Variants in SPESP1 observed in about 807,000 individuals in gnomAD.
SPESP1 encodes the protein equatorial segment protein.
A neutral mutation model predicts 3.1 loss-of-function variants in SPESP1; 1 was observed. The ratio of observed to expected loss-of-function variants is 0.33; its 90% confidence interval spans 0.12 to 1.54. The LOEUF (loss-of-function observed/expected upper bound fraction) is 1.54. Ranked by LOEUF, SPESP1 falls within the 40% of genes most tolerant of loss-of-function variation. The pLI, the probability that SPESP1 is intolerant of heterozygous loss-of-function variation, is 0.38. For missense variants in SPESP1, 398 were observed against 410.1 expected (o/e 0.97, Z 0.26); for synonymous variants, 138 against 150.7 (o/e 0.92, Z 0.62).
In SPESP1 at chr15:68,945,816, C is replaced by T. The variant is rs758662345; in HGVS notation, c.282C>T (p.Ile94=). The change falls in exon 2 of 2, where the codon ATC becomes ATT. Residue 94 remains isoleucine (I), a synonymous_variant. Transcript: ENST00000310673. Reference sequence around the variant, plus strand: ...AGAATGATGTTTTAACCAATCCTATCAGTGAAGAAACTACAACTTTCCCTA... The same window carrying T: ...AGAATGATGTTTTAACCAATCCTATTAGTGAAGAAACTACAACTTTCCCTA... ...STENDVLTNP[I]SEETTTFPTG... 5 of 1,613,792 alleles carry T rather than the reference C, an allele frequency of 3.1e-6. No individual in the cohort carries two copies. The African/African-American group carries it at 6.7e-5, about 22-fold the overall frequency.
chr15:68,932,363 T>TCCCCTC (rs1162724870), intron 1 of SPESP1, among the ~76,000 whole-genome samples: 2 of 147,342 alleles, frequency 1.4e-5, no homozygotes, highest in Non-Finnish European at 3.0e-5. Flanking sequence ...ACCATAATTT[T>TCCCCTC]CCCCTCCCCC....
intron 1 of SPESP1, among the ~76,000 whole-genome samples, chr15:68,935,613 G>A (rs1895662601): frequency 6.6e-6 from 1 of 152,226 alleles, no homozygotes. Context: ...CATGGGGCAA[G>A]CCCATATCCA....
At chr15:68,940,223 A>T (rs1228189630) in intron 1 of SPESP1, among the ~76,000 whole-genome samples, 1 of 152,024 alleles carries the variant, frequency 6.6e-6, no homozygotes, top group East Asian at 1.9e-4. Context: ...ATTCATGATT[A>T]ATCCTATTTC....
intron 1 of SPESP1, among the ~76,000 whole-genome samples, chr15:68,932,390 C>G (rs561105387): frequency 6.6e-6 from 1 of 151,076 alleles, no homozygotes; most frequent in Non-Finnish European, 1.5e-5. Flanking sequence ...TCCCTTTTCC[C>G]CCCCTTTTTT....
chr15:68,931,148 T>C (rs558227172), intron 1 of SPESP1, among the ~76,000 whole-genome samples: 1 of 152,222 alleles, frequency 6.6e-6, no homozygotes, highest in East Asian at 1.9e-4. Flanking sequence ...GCAGGTTTGT[T>C]ACATATGTAT....
At chr15:68,945,507 C>A in intron 1 of SPESP1, 92 bp from the exon 2 acceptor site, 1 of 988,092 alleles carries the variant, frequency 1.0e-6, no homozygotes, top group Non-Finnish European at 1.4e-6. Context: ...TAAGTGATAG[C>A]ATATGAAATA....
In SPESP1 at chr15:68,930,576, C is replaced by A. The variant is rs1180055770; in HGVS notation, c.-78C>A. 5 of 1,586,948 alleles carry A rather than the reference C, an allele frequency of 3.2e-6. No individual in the cohort carries two copies. Among genetic ancestry groups the A allele is most frequent in the South Asian group, 1.1e-5 (1 of 90,118 alleles). On this transcript the variant is annotated 5_prime_UTR_variant, in exon 1 of 2. Transcript: ENST00000310673. Reference sequence around the variant, plus strand: ...CAGGACGGTACTCCGCTGACACCTTCCCTTTCGGCCTTGAGGTTCCCAGCC... The same window carrying A: ...CAGGACGGTACTCCGCTGACACCTTACCTTTCGGCCTTGAGGTTCCCAGCC...
At chr15:68,938,421 AG>A (rs1895736898) in intron 1 of SPESP1, among the ~76,000 whole-genome samples, 1 of 152,174 alleles carries the variant, frequency 6.6e-6, no homozygotes, top group South Asian at 2.1e-4. Flanking sequence ...CTTTGTAGTA[AG>A]AAAATACTGT....
At chr15:68,940,675 T>C (rs1174929683) in intron 1 of SPESP1, among the ~76,000 whole-genome samples, 4 of 152,108 alleles carry the variant, frequency 2.6e-5, no homozygotes, top group African/African-American at 9.7e-5. Context: ...CATGGTGTAG[T>C]TTAATATTTC....
intron 1 of SPESP1, among the ~76,000 whole-genome samples, chr15:68,940,276 G>A (rs1895785178): frequency 6.6e-6 from 1 of 151,942 alleles, no homozygotes; most frequent in Admixed American, 6.6e-5. Context: ...CACTTCCCTG[G>A]ACACTCTCCC....
chr15:68,935,546 C>G (rs1251684363), intron 1 of SPESP1, among the ~76,000 whole-genome samples: 2 of 152,214 alleles, frequency 1.3e-5, no homozygotes, highest in African/African-American at 4.8e-5. Flanking sequence ...CATGGATGCT[C>G]TTACGAAGCC....
At chr15:68,936,689 G>C (rs961751172) in intron 1 of SPESP1, among the ~76,000 whole-genome samples, 1 of 152,098 alleles carries the variant, frequency 6.6e-6, no homozygotes, top group African/African-American at 2.4e-5. Context: ...TAAATAAAAG[G>C]TAAATTATGG....
chr15:68,946,747 CATGTGTT>C lies in SPESP1; in HGVS notation c.*164_*170del. 1 of 952,902 alleles carries C rather than the reference CATGTGTT, an allele frequency of 1.0e-6. No individual in the cohort carries two copies. Among genetic ancestry groups the C allele is most frequent in the South Asian group, 4.2e-5 (1 of 23,600 alleles). 59.0% of individuals were successfully genotyped at this position (952,902 alleles called of 1,614,324 possible). The stretch of plus-strand genomic sequence containing the variant: ...CAAATGTGCCAACATCTTTATGTGT[CATGTGTT>C]ATGAACAATTTTCATATGCACTAAA... On this transcript the variant is annotated 3_prime_UTR_variant, in exon 2 of 2. Coordinates refer to ENST00000310673, the MANE Select transcript of SPESP1 (RefSeq NM_145658.4).
At chr15:68,937,484 TA>T (rs1251825111) in intron 1 of SPESP1, among the ~76,000 whole-genome samples, 3 of 152,118 alleles carry the variant, frequency 2.0e-5, no homozygotes, top group African/African-American at 4.8e-5. Context: ...TGGAACTTAT[TA>T]TTTTTTTTCT....
chr15:68,944,694 C>T (rs947336316), intron 1 of SPESP1, among the ~76,000 whole-genome samples: 1 of 152,132 alleles, frequency 6.6e-6, no homozygotes, highest in African/African-American at 2.4e-5. Flanking sequence ...CATGTGGTCT[C>T]TTACAATTAC....
rs367666234 is a variant in SPESP1 at position 68,943,074 on chromosome 15, G to GGTGTGT, written c.65-2506_65-2501dup. 8.5e-3 allele frequency among the ~76,000 whole-genome samples: 1,254 copies of GGTGTGT among 147,808 alleles called. 16 individuals are homozygous for GGTGTGT. Among genetic ancestry groups the GGTGTGT allele is most frequent in the African/African-American group, 0.029 (1,188 of 40,640 alleles). On this transcript the variant is annotated intron_variant, in intron 1 of 1. Transcript: ENST00000310673. ...TAATGGTTTACTATATTAAATGATTGGTGTGTGTGTGTGTGTGTGTGTGTA... is the reference window on the plus strand; with the variant it reads ...TAATGGTTTACTATATTAAATGATTGGTGTGTGTGTGTGTGTGTGTGTGTGTGTGTA...
chr15:68,933,571 T>C (rs1299734635), intron 1 of SPESP1, among the ~76,000 whole-genome samples: 1 of 148,446 alleles, frequency 6.7e-6, no homozygotes, highest in Non-Finnish European at 1.5e-5. Flanking sequence ...AAAAAAAAAA[T>C]GCACAGGCCG....
At chr15:68,942,198 C>A (rs1227178281) in intron 1 of SPESP1, among the ~76,000 whole-genome samples, 5 of 148,814 alleles carry the variant, frequency 3.4e-5, no homozygotes, top group African/African-American at 1.3e-4. Context: ...GAGTCTCGCT[C>A]TGTCGCCCAG....
intron 1 of SPESP1, among the ~76,000 whole-genome samples, chr15:68,938,173 A>T (rs1595718513): frequency 1.3e-5 from 2 of 151,900 alleles, no homozygotes; most frequent in Admixed American, 1.3e-4. Context: ...TAGAGATGAG[A>T]TTTCACCATG....
Sources: allele counts gnomAD v4.1 joint callset (sites outside exome capture counted in the v4.1 genomes callset), GRCh38; gene constraint gnomAD v4.1.1; transcripts MANE v1.5; gene names NCBI Gene and HGNC (gene_info 2026-07-23, HGNC 2026-07-21).